The following NKX6-1 variants were observed in gnomAD, a reference collection of about 807,000 sequenced individuals.
NKX6-1 encodes the protein NK6 homeobox 1, also known as homeobox protein Nkx-6.1.
A neutral mutation model predicts 24.9 loss-of-function variants in NKX6-1; 11 were observed. That is an observed-to-expected ratio of 0.44 (90% CI 0.28 to 0.73). The LOEUF (loss-of-function observed/expected upper bound fraction) is 0.73, where lower values mean the gene tolerates loss of function less well. Among genes scored for constraint, NKX6-1 ranks in the 30% least tolerant of loss-of-function variants. NKX6-1 has a pLI of 0.15. For synonymous variants in NKX6-1, 277 were observed against 242.9 expected, an observed-to-expected ratio of 1.14 and a Z score of -1.31; for missense variants, 487 against 502.9, an observed-to-expected ratio of 0.97 and a Z score of 0.30.
Position 84,493,644 on chromosome 4 carries a change from C to G in NKX6-1, c.844-95G>C, listed in dbSNP as rs1289127570. The stretch of plus-strand genomic sequence containing the variant: ...CTACCACTCCCGCATCTCGATGGCC[C>G]TCCCGCGGCCCCCCGAAGGCCTGCT... On this transcript the variant is annotated intron_variant, in intron 2 of 2. Transcript: ENST00000295886. This position sits in a 1 kb window ranked among gnomAD's most constrained non-coding sequence, Gnocchi z 5.1. 6.8e-7 allele frequency: 1 copy of G among 1,473,802 alleles called. No homozygotes were observed. The highest frequency in any genetic ancestry group is 2.3e-5 in the East Asian group (1 of 43,528). 91.3% of individuals were successfully genotyped at this position (1,473,802 alleles called of 1,614,324 possible).
chr4:84,497,567 C>T lies in NKX6-1; in HGVS notation c.662G>A (p.Cys221Tyr). 7.9e-7 allele frequency: 1 copy of T among 1,262,994 alleles called. No individual in the cohort carries two copies. Among genetic ancestry groups the T allele is most frequent in the Non-Finnish European group, 1.0e-6 (1 of 997,700 alleles). 78.2% of individuals were successfully genotyped at this position (1,262,994 alleles called of 1,614,324 possible). Residue 221 changes from cysteine to tyrosine, a missense_variant, in exon 1 of 3, where the codon TGT (cysteine) becomes TAT (tyrosine). Cys to Tyr is a radical substitution (Grantham distance 194). Transcript: ENST00000295886. The surrounding 1 kb of genome is among the most constrained non-coding windows in gnomAD (Gnocchi z 4.8). ...SPPWRDARLA[C>Y]TPHQGSILLD... ...CGGGTGGTAGTACTCACGAGGGGTACAGGCCAGGCGTGCGTCCCTCCAGGG... is the reference window on the plus strand; with the variant it reads ...CGGGTGGTAGTACTCACGAGGGGTATAGGCCAGGCGTGCGTCCCTCCAGGG...
At position 84,492,428 on chromosome 4, in the gene NKX6-1, G is replaced by A. The variant is rs1462679479; in HGVS notation, c.*861C>T. The A allele has an allele frequency of 1.3e-5, 2 of 150,168 alleles. No homozygotes were observed. The highest frequency in any genetic ancestry group is 3.0e-5 in the Non-Finnish European group (2 of 67,690). 9.3% of individuals were successfully genotyped at this position (150,168 alleles called of 1,614,324 possible). A position where few individuals can be genotyped will look rare whatever the true frequency, so the allele number is the denominator to read the frequency against. On this transcript the variant is annotated 3_prime_UTR_variant, in exon 3 of 3. Transcript: ENST00000295886. ...GTGAGAGGCCCTCCCTGGTTCCCAC[G>A]TCTTCCACTTCAAGTCCGGGGGGCG...
chr4:84,493,704 CAA>C lies in NKX6-1; in HGVS notation c.844-157_844-156del, dbSNP rs1189109141. On this transcript the variant is annotated intron_variant, in intron 2 of 2. Coordinates refer to ENST00000295886, the MANE Select transcript of NKX6-1 (RefSeq NM_006168.3). This position sits in a 1 kb window ranked among gnomAD's most constrained non-coding sequence, Gnocchi z 5.1. ...CGCAGCCCTCCCTTTTCTCGGCCGT[CAA>C]AGTCAGTCTCCGTCGCCCCAAGTTC... Among the ~76,000 whole-genome samples the C allele has an allele frequency of 6.6e-6, 1 of 152,234 alleles. No individual in the cohort carries two copies. Among genetic ancestry groups the C allele is most frequent in the Non-Finnish European group, 1.5e-5 (1 of 68,046 alleles).
intron 1 of NKX6-1, chr4:84,496,730 T>C (rs1345284378): frequency 6.6e-6 from 1 of 152,364 alleles, no homozygotes; most frequent in Admixed American, 6.5e-5. Context: ...AGCAAGGTCT[T>C]TGCGGGATGG....
chr4:84,498,340 G>T lies in NKX6-1; in HGVS notation c.-112C>A. On this transcript the variant is annotated 5_prime_UTR_variant, in exon 1 of 3. Transcript: ENST00000295886. ...GGGCGCGAGCGGAGAGGCACTCGGC[G>T]CGCCCGGAGGCGAGCTGCCAACTGA... 1 of 1,171,716 alleles carries T rather than the reference G, an allele frequency of 8.5e-7. No homozygotes were observed. The highest frequency in any genetic ancestry group is 1.1e-6 in the Non-Finnish European group (1 of 929,908). 72.6% of individuals were successfully genotyped at this position (1,171,716 alleles called of 1,614,324 possible).
At position 84,493,247 on chromosome 4, in the gene NKX6-1, A is replaced by T. The variant is rs766105840; in HGVS notation, c.*42T>A. 6 of 1,495,762 alleles carry T rather than the reference A, an allele frequency of 4.0e-6. No individual in the cohort carries two copies. The highest frequency in any genetic ancestry group is 5.3e-6 in the Non-Finnish European group (6 of 1,131,852). The allele number at this position is 1,495,762 out of a possible 1,614,324, so 92.7% of individuals were successfully genotyped here. On this transcript the variant is annotated 3_prime_UTR_variant, in exon 3 of 3. Transcript: ENST00000295886. The surrounding 1 kb of genome is among the most constrained non-coding windows in gnomAD (Gnocchi z 5.1). ...GTCCCCGCGCCCCTCGCGGCCCCAGAGGTGGAGGCCGGAGCCGGGAAGGTG... is the reference window on the plus strand; with the variant it reads ...GTCCCCGCGCCCCTCGCGGCCCCAGTGGTGGAGGCCGGAGCCGGGAAGGTG...
At chr4:84,494,268 C>T (rs1359832700) in intron 2 of NKX6-1, among the ~76,000 whole-genome samples, 2 of 151,616 alleles carry the variant, frequency 1.3e-5, no homozygotes, top group African/African-American at 4.9e-5. Flanking sequence ...CTAGAATTAC[C>T]ATTGGTTATT....
Position 84,493,291 on chromosome 4 carries a change from A to G in NKX6-1, c.1102T>C (p.Ter368ArgextTer65). 6.8e-7 allele frequency: 1 copy of G among 1,480,686 alleles called. No homozygotes were observed. Among genetic ancestry groups the G allele is most frequent in the African/African-American group, 1.5e-5 (1 of 67,940 alleles). 91.7% of individuals were successfully genotyped at this position (1,480,686 alleles called of 1,614,324 possible). A position where few individuals can be genotyped will look rare whatever the true frequency, so the allele number is the denominator to read the frequency against. Residue 368 changes from the stop codon to arginine (R), a stop_lost, in exon 3 of 3, where the codon TGA becomes CGA. Coordinates refer to ENST00000295886, the MANE Select transcript of NKX6-1 (RefSeq NM_006168.3). This position sits in a 1 kb window ranked among gnomAD's most constrained non-coding sequence, Gnocchi z 5.1. Reference sequence around the variant, plus strand: ...GAAGGTGCGGCGGGCGGCGGCGTTCAGGATGAGCTCTCCGGCTCGGACGCG... The same window carrying G: ...GAAGGTGCGGCGGGCGGCGGCGTTCGGGATGAGCTCTCCGGCTCGGACGCG... ...LHASEPESSS[*>R]
chr4:84,493,429 C>T lies in NKX6-1; in HGVS notation c.964G>A (p.Glu322Lys). Reference protein sequence around the residue: ...RLKGASENEEEDDDYNKPLDP... With the variant: ...RLKGASENEEKDDDYNKPLDP... The stretch of plus-strand genomic sequence containing the variant: ...AGAGGCTTATTGTAGTCGTCGTCCT[C>T]TTCCTCGTTCTCCGAGGCCCCCTTG... The change falls in exon 3 of 3, where the codon GAG (glutamate) becomes AAG (lysine). Residue 322 changes from glutamate (E) to lysine (K), a missense_variant. Around this residue, in one of 3 missense-constraint regions of NKX6-1, gnomAD observed 126 missense variants for 105.5 expected, o/e 1.19. Coordinates refer to ENST00000295886, the MANE Select transcript of NKX6-1 (RefSeq NM_006168.3). The surrounding 1 kb of genome is among the most constrained non-coding windows in gnomAD (Gnocchi z 5.1). 6.2e-7 allele frequency: 1 copy of T among 1,614,260 alleles called. No individual in the cohort carries two copies. The highest frequency in any genetic ancestry group is 1.1e-5 in the South Asian group (1 of 91,092).
Position 84,497,791 on chromosome 4 carries a change from GGCCGCGGCAGCA to G in NKX6-1, c.426_437del (p.Ala147_Ala150del), listed in dbSNP as rs1057050524. On this transcript the variant is annotated inframe_deletion, in exon 1 of 3. Coordinates refer to ENST00000295886, the MANE Select transcript of NKX6-1 (RefSeq NM_006168.3). This position sits in a 1 kb window ranked among gnomAD's most constrained non-coding sequence, Gnocchi z 4.8. ...CCGCCGGGGATGAGGCGGCGGCTGC[GGCCGCGGCAGCA>G]GCCGCGGCGGCGGCAGAGGCGGAGG... The G allele has an allele frequency of 1.2e-5, 15 of 1,270,570 alleles. No homozygotes were observed. The highest frequency in any genetic ancestry group is 9.4e-5 in the East Asian group (3 of 32,030). 78.7% of individuals were successfully genotyped at this position (1,270,570 alleles called of 1,614,324 possible). A position where few individuals can be genotyped will look rare whatever the true frequency, so the allele number is the denominator to read the frequency against.
rs1271490228 is a variant in NKX6-1 at position 84,492,112 on chromosome 4, A to G, written c.*1177T>C. 6.6e-6 allele frequency: 1 copy of G among 152,262 alleles called. No individual in the cohort carries two copies. Among genetic ancestry groups the G allele is most frequent in the Non-Finnish European group, 1.5e-5 (1 of 68,046 alleles). 9.4% of individuals were successfully genotyped at this position (152,262 alleles called of 1,614,324 possible). On this transcript the variant is annotated 3_prime_UTR_variant, in exon 3 of 3. Coordinates refer to ENST00000295886, the MANE Select transcript of NKX6-1 (RefSeq NM_006168.3). ...TTCCTTATATAAATTAATAAAGGTT[A>G]AAGATGCTAATATATCACCATTATT...
chr4:84,494,649 C>CA (rs1475707323), intron 2 of NKX6-1, among the ~76,000 whole-genome samples: 1 of 152,090 alleles, frequency 6.6e-6, no homozygotes, highest in Non-Finnish European at 1.5e-5. Context: ...CAACCTACTG[C>CA]AAAAAATAAT....
In NKX6-1 at chr4:84,497,819, G is replaced by A. The variant is rs1720852241; in HGVS notation, c.410C>T (p.Ser137Phe). ...SSSSASASSA[S>F]AAAAAAAAAA... ...CGCGGCAGCAGCCGCGGCGGCGGCA[G>A]AGGCGGAGGAGGCAGAGGCGGACGA... Residue 137 changes from serine to phenylalanine, a missense_variant, in exon 1 of 3, where the codon TCT becomes TTT. Transcript: ENST00000295886. This position sits in a 1 kb window ranked among gnomAD's most constrained non-coding sequence, Gnocchi z 4.8. 1.6e-6 allele frequency: 2 copies of A among 1,272,540 alleles called. No homozygotes were observed. The highest frequency in any genetic ancestry group is 6.0e-5 in the South Asian group (2 of 33,072). 78.8% of individuals were successfully genotyped at this position (1,272,540 alleles called of 1,614,324 possible).
At chr4:84,494,111 G>A (rs1202722687) in intron 2 of NKX6-1, among the ~76,000 whole-genome samples, 1 of 146,400 alleles carries the variant, frequency 6.8e-6, no homozygotes. Context: ...AGATCTGAAT[G>A]TGTACAAACA....
At position 84,498,091 on chromosome 4, in the gene NKX6-1, G is replaced by C; in HGVS notation, c.138C>G (p.Gly46=). Residue 46 remains glycine, a synonymous_variant, in exon 1 of 3, where the codon GGC becomes GGG. Transcript: ENST00000295886. ...YPAAYPPLPA[G]PPSSSSSSSS... is the part of the protein sequence containing the mutation. Reference sequence around the variant, plus strand: ...ACGACGAGGACGAGGAGGAGGGGGGGCCGGCAGGCAGCGGGGGATACGCGG... The same window carrying C: ...ACGACGAGGACGAGGAGGAGGGGGGCCCGGCAGGCAGCGGGGGATACGCGG... 1 of 1,259,892 alleles carries C rather than the reference G, an allele frequency of 7.9e-7. No individual in the cohort carries two copies. The allele number at this position is 1,259,892 out of a possible 1,614,324, so 78.0% of individuals were successfully genotyped here.
chr4:84,497,923 C>T lies in NKX6-1; in HGVS notation c.306G>A (p.Leu102=). The T allele has an allele frequency of 7.7e-7, 1 of 1,301,588 alleles. No individual in the cohort carries two copies. The highest frequency in any genetic ancestry group is 3.2e-5 in the South Asian group (1 of 31,098). 80.6% of individuals were successfully genotyped at this position (1,301,588 alleles called of 1,614,324 possible). A position where few individuals can be genotyped will look rare whatever the true frequency, so the allele number is the denominator to read the frequency against. ...AGGCCACGGGCATGGAGGGCCGGCT[C>T]AGGATATCGTTGATGCCGTGTGGGG... is the stretch of plus-strand genomic sequence containing the variant. ...AATPHGINDI[L]SRPSMPVASG... The change falls in exon 1 of 3, where the codon CTG becomes CTA. Residue 102 remains leucine, a synonymous_variant. Transcript: ENST00000295886. The surrounding 1 kb of genome is among the most constrained non-coding windows in gnomAD (Gnocchi z 4.8).
In NKX6-1 at chr4:84,493,617, T is replaced by C; in HGVS notation, c.844-68A>G. 6.4e-7 allele frequency: 1 copy of C among 1,570,960 alleles called. No individual in the cohort carries two copies. Among genetic ancestry groups the C allele is most frequent in the Non-Finnish European group, 8.7e-7 (1 of 1,152,786 alleles). On this transcript the variant is annotated intron_variant, in intron 2 of 2. Coordinates refer to ENST00000295886, the MANE Select transcript of NKX6-1 (RefSeq NM_006168.3). The surrounding 1 kb of genome is among the most constrained non-coding windows in gnomAD (Gnocchi z 5.1). ...GAATTAAACGAGCAGATCCAGGCCA[T>C]GCTACCACTCCCGCATCTCGATGGC... is the stretch of plus-strand genomic sequence containing the variant.
rs1399110838 is a variant in NKX6-1, at chr4:84,498,535, A to G, written c.-307T>C. 2.6e-5 allele frequency: 9 copies of G among 350,652 alleles called. No homozygotes were observed. Among genetic ancestry groups the G allele is most frequent in the African/African-American group, 1.9e-4 (9 of 47,600 alleles). The allele number at this position is 350,652 out of a possible 1,614,324, so 21.7% of individuals were successfully genotyped here. On this transcript the variant is annotated 5_prime_UTR_variant, in exon 1 of 3. Transcript: ENST00000295886. ...GATCCCTGGCTATTCTCTCTTCCTC[A>G]CTTTTCCTAGCTGTTCAAAGTGCGC...
Position 84,493,611 on chromosome 4 carries a change from A to T in NKX6-1, c.844-62T>A. On this transcript the variant is annotated intron_variant, in intron 2 of 2. Transcript: ENST00000295886. The surrounding 1 kb of genome is among the most constrained non-coding windows in gnomAD (Gnocchi z 5.1). ...GGCGAGGAATTAAACGAGCAGATCC[A>T]GGCCATGCTACCACTCCCGCATCTC... The T allele has an allele frequency of 1.3e-6, 2 of 1,583,568 alleles. No individual in the cohort carries two copies. Among genetic ancestry groups the T allele is most frequent in the Non-Finnish European group, 1.7e-6 (2 of 1,161,132 alleles).
Sources: allele counts gnomAD v4.1 joint callset (sites outside exome capture counted in the v4.1 genomes callset), GRCh38; gene constraint gnomAD v4.1.1; regional missense constraint gnomAD v4.1.1; non-coding constraint Gnocchi (gnomAD v3.1); transcripts MANE v1.5; gene names NCBI Gene and HGNC (gene_info 2026-07-23, HGNC 2026-07-21).